The following HMBOX1 variants were observed in gnomAD, a reference collection of about 807,000 sequenced individuals.
HMBOX1 encodes homeobox containing 1, also known as homeobox-containing protein 1.
HMBOX1 carries 14 observed loss-of-function variants against 54.5 expected under a neutral mutation model. That is an observed-to-expected ratio of 0.26 (90% CI 0.17 to 0.40). HMBOX1 has a LOEUF of 0.40. Among genes scored for constraint, HMBOX1 ranks in the 10% least tolerant of loss-of-function variants. The pLI is 1.00. For missense variants in HMBOX1, 332 were observed against 514.4 expected (o/e 0.65, Z 3.43); for synonymous variants, 160 against 181.0 (o/e 0.88, Z 0.93).
At chr8:28,892,821 C>T (rs1032807641) in intron 1 of HMBOX1, among the ~76,000 whole-genome samples, 1 of 152,050 alleles carries the variant, frequency 6.6e-6, no homozygotes, top group African/African-American at 2.4e-5. Context: ...TGTGATAGAC[C>T]AGGATTTTCA....
At chr8:28,918,396 G>A (rs530340198) in intron 1 of HMBOX1, among the ~76,000 whole-genome samples, 66 of 151,612 alleles carry the variant, frequency 4.4e-4, no homozygotes, top group Middle Eastern at 3.4e-3. Context: ...GTAGAGATGG[G>A]GTTCCACCGT....
chr8:29,039,230 A>G (rs1307439743), intron 6 of HMBOX1, among the ~76,000 whole-genome samples: 1 of 152,178 alleles, frequency 6.6e-6, no homozygotes, highest in Non-Finnish European at 1.5e-5. Context: ...CATTTAGCCA[A>G]TTGCCCGGTA....
At chr8:28,972,846 T>C (rs1051507700) in intron 3 of HMBOX1, among the ~76,000 whole-genome samples, 3 of 152,244 alleles carry the variant, frequency 2.0e-5, no homozygotes, top group Non-Finnish European at 4.4e-5. Flanking sequence ...TAGCAGTGAC[T>C]GGGATTTGTA....
chr8:28,939,659 A>C (rs1380680109), intron 1 of HMBOX1, among the ~76,000 whole-genome samples: 1 of 151,370 alleles, frequency 6.6e-6, no homozygotes, highest in African/African-American at 2.4e-5. Flanking sequence ...ACAGGCACCC[A>C]CCACCACGCC....
At chr8:29,007,063 C>A (rs1378572162) in intron 4 of HMBOX1, among the ~76,000 whole-genome samples, 2 of 151,208 alleles carry the variant, frequency 1.3e-5, no homozygotes, top group Non-Finnish European at 3.0e-5. Flanking sequence ...CTGAGGCGGG[C>A]GGATCACCTG....
At chr8:28,914,884 A>T (rs1454844245) in intron 1 of HMBOX1, among the ~76,000 whole-genome samples, 1 of 152,262 alleles carries the variant, frequency 6.6e-6, no homozygotes, top group Non-Finnish European at 1.5e-5. Context: ...AGAGTGAAAG[A>T]ACTGCAAAGG....
At chr8:28,912,766 C>T (rs953643025) in intron 1 of HMBOX1, among the ~76,000 whole-genome samples, 5 of 152,164 alleles carry the variant, frequency 3.3e-5, no homozygotes, top group Admixed American at 2.6e-4. Flanking sequence ...AGCTCATCTA[C>T]CTTTATAGCC....
chr8:28,959,033 A>G (rs1563468606), intron 1 of HMBOX1, among the ~76,000 whole-genome samples: 1 of 152,194 alleles, frequency 6.6e-6, no homozygotes, highest in Non-Finnish European at 1.5e-5. Flanking sequence ...GAAACTGCAG[A>G]TAGTATCAGA....
chr8:28,942,313 A>AG (rs1255521157), intron 1 of HMBOX1, among the ~76,000 whole-genome samples: 1 of 152,146 alleles, frequency 6.6e-6, no homozygotes, highest in Admixed American at 6.6e-5. Context: ...ATGTGGAGGG[A>AG]GGGGGTCATT....
chr8:28,993,798 G>A (rs574642550), intron 4 of HMBOX1, among the ~76,000 whole-genome samples: 2 of 152,212 alleles, frequency 1.3e-5, no homozygotes, highest in South Asian at 4.1e-4. Flanking sequence ...ACAGGATTTT[G>A]TTGTTTTTGT....
At chr8:28,902,238 G>A (rs564694431) in intron 1 of HMBOX1, among the ~76,000 whole-genome samples, 3 of 152,206 alleles carry the variant, frequency 2.0e-5, no homozygotes, top group East Asian at 3.9e-4. Flanking sequence ...TACCCCTGTC[G>A]CTGGTACCAG....
At chr8:28,953,788 G>T (rs1053511163) in intron 1 of HMBOX1, among the ~76,000 whole-genome samples, 1 of 152,096 alleles carries the variant, frequency 6.6e-6, no homozygotes, top group African/African-American at 2.4e-5. Context: ...GTTCAAGCTG[G>T]GTGATAGGTA....
chr8:28,930,443 T>TA (rs907705059), intron 1 of HMBOX1, among the ~76,000 whole-genome samples: 1 of 152,228 alleles, frequency 6.6e-6, no homozygotes, highest in Non-Finnish European at 1.5e-5. Flanking sequence ...GACGTGTAGA[T>TA]ACTGCTGCTA....
chr8:28,939,413 C>G (rs945159274), intron 1 of HMBOX1, among the ~76,000 whole-genome samples: 1 of 152,176 alleles, frequency 6.6e-6, no homozygotes, highest in Non-Finnish European at 1.5e-5. Context: ...CAGTCACCCT[C>G]TAGTCCTGAG....
chr8:28,953,502 AT>A (rs1467779133), intron 1 of HMBOX1, among the ~76,000 whole-genome samples: 1 of 152,268 alleles, frequency 6.6e-6, no homozygotes, highest in East Asian at 1.9e-4. Context: ...AGTCACTGTT[AT>A]GTGTAGCTGT....
rs1469051605 is a variant in HMBOX1, at chr8:29,053,115, A to G, written c.*1960A>G. On this transcript the variant is annotated 3_prime_UTR_variant, in exon 10 of 10. Coordinates refer to ENST00000287701, the MANE Select transcript of HMBOX1 (RefSeq NM_001135726.3). Reference sequence around the variant, plus strand: ...ATTTCCTTATCTGTTAATCCTGCTTATGTGAGTGTGAGGAAAGTCTTTGAG... The same window carrying G: ...ATTTCCTTATCTGTTAATCCTGCTTGTGTGAGTGTGAGGAAAGTCTTTGAG... 1 of 152,548 alleles carries G rather than the reference A, an allele frequency of 6.6e-6. No individual in the cohort carries two copies. The highest frequency in any genetic ancestry group is 2.4e-5 in the African/African-American group (1 of 41,436). The allele number at this position is 152,548 out of a possible 1,614,324, so 9.4% of individuals were successfully genotyped here.
At chr8:28,960,765 CTTTTTTTTTTTTTTTT>C (rs1162477676) in intron 1 of HMBOX1, among the ~76,000 whole-genome samples, 14 of 16,262 alleles carry the variant, frequency 8.6e-4, no homozygotes, top group South Asian at 4.0e-3. Context: ...TTTTCTTTTT[CTTTTTTTTTTTTTTTT>C]TTTTTTTTTT....
intron 4 of HMBOX1, among the ~76,000 whole-genome samples, chr8:29,003,727 G>A (rs978516726): frequency 6.6e-6 from 1 of 151,406 alleles, no homozygotes; most frequent in Non-Finnish European, 1.5e-5. Flanking sequence ...TTGAATTTTT[G>A]TAGACAATGC....
chr8:29,051,717 T>C lies in HMBOX1; in HGVS notation c.*562T>C. On this transcript the variant is annotated 3_prime_UTR_variant, in exon 10 of 10. Coordinates refer to ENST00000287701, the MANE Select transcript of HMBOX1 (RefSeq NM_001135726.3). Reference sequence around the variant, plus strand: ...TTATAGCCACACTGTGGCTAGATTATACTTCTTTGGGTGCTGTGCTAAGAA... The same window carrying C: ...TTATAGCCACACTGTGGCTAGATTACACTTCTTTGGGTGCTGTGCTAAGAA... 1.5e-6 allele frequency: 1 copy of C among 675,958 alleles called. No homozygotes were observed. The highest frequency in any genetic ancestry group is 2.7e-5 in the East Asian group (1 of 36,648). 41.9% of individuals were successfully genotyped at this position (675,958 alleles called of 1,614,324 possible).
Sources: allele counts gnomAD v4.1 joint callset (sites outside exome capture counted in the v4.1 genomes callset), GRCh38; gene constraint gnomAD v4.1.1; transcripts MANE v1.5; gene names NCBI Gene and HGNC (gene_info 2026-07-23, HGNC 2026-07-21).